Variants in TBC1D1 observed in about 807,000 individuals in gnomAD.
TBC1D1 encodes the protein TBC1 (tre-2/USP6, BUB2, cdc16) domain family, member 1.
In TBC1D1, 89 loss-of-function variants were observed where a neutral mutation model predicts 125.6. The ratio of observed to expected loss-of-function variants is 0.71; its 90% CI spans 0.60 to 0.85. The LOEUF (loss-of-function observed/expected upper bound fraction) is 0.85, where lower values mean the gene tolerates loss of function less well. TBC1D1 is among the 40% of genes least tolerant of loss of function. The pLI is 0.00. For synonymous variants in TBC1D1, 565 were observed against 564.1 expected, an observed-to-expected ratio of 1.00 and a Z score of -0.02; for missense variants, 1,377 against 1,469.2, an observed-to-expected ratio of 0.94 and a Z score of 1.03.
chr4:38,021,811 T>C, intron 6 of TBC1D1, 93 bp downstream of exon 6: 6 of 1,319,540 alleles, frequency 4.5e-6, no homozygotes, highest in Non-Finnish European at 5.9e-6. Context: ...AGATTCTGCC[T>C]AACAGAGGCT....
At position 38,014,625 on chromosome 4, in the gene TBC1D1, C is replaced by CG. The variant is rs1560619588; in HGVS notation, c.536dup (p.Arg180ProfsTer68). 1.2e-6 allele frequency: 2 copies of CG among 1,613,402 alleles called. No homozygotes were observed. The highest frequency in any genetic ancestry group is 1.7e-6 in the Non-Finnish European group (2 of 1,180,038). On this transcript the variant is annotated frameshift_variant, in exon 3 of 20. Transcript: ENST00000261439. LOFTEE classifies it high-confidence loss of function. The surrounding 1 kb of genome is among the most constrained non-coding windows in gnomAD (Gnocchi z 5.1). ...CCAAGAAGTTCGAGGTGCTCTTCTG[C>CG]GGCCGCGTGACGGTGGCGCACAAGA...
intron 2 of TBC1D1, among the ~76,000 whole-genome samples, chr4:38,001,199 A>G (rs568143951): frequency 4.0e-5 from 6 of 150,904 alleles, no homozygotes; most frequent in African/African-American, 1.5e-4. Flanking sequence ...CAGCCTGAGC[A>G]ACAGAGTAAG....
intron 19 of TBC1D1, 119 bp from the exon 22 acceptor site, chr4:38,137,016 A>G (rs1766742829): frequency 1.3e-6 from 2 of 1,508,270 alleles, no homozygotes; most frequent in Non-Finnish European, 9.1e-7. Flanking sequence ...TAAACTGTAG[A>G]CTCATCCCTG....
chr4:37,895,635 C>T (rs747307338), intron 1 of TBC1D1, among the ~76,000 whole-genome samples: 10 of 152,064 alleles, frequency 6.6e-5, no homozygotes, highest in Non-Finnish European at 1.0e-4. Flanking sequence ...ACCCAGGGGG[C>T]GGAGGATGCA....
intron 2 of TBC1D1, among the ~76,000 whole-genome samples, chr4:38,012,310 G>A (rs959686757): frequency 6.6e-6 from 1 of 152,108 alleles, no homozygotes; most frequent in Non-Finnish European, 1.5e-5. Flanking sequence ...TTTGAGACAA[G>A]GTCTCAGTCA....
chr4:37,909,847 C>T (rs1438438626), intron 2 of TBC1D1, among the ~76,000 whole-genome samples: 1 of 152,148 alleles, frequency 6.6e-6, no homozygotes, highest in Admixed American at 6.5e-5. Context: ...GCAGCTATGA[C>T]TCAGTGCAGT....
At chr4:38,008,123 A>C (rs533431440) in intron 2 of TBC1D1, among the ~76,000 whole-genome samples, 1 of 152,338 alleles carries the variant, frequency 6.6e-6, no homozygotes, top group South Asian at 2.1e-4. Context: ...GACTTTGAGG[A>C]CTTATATTCT....
intron 2 of TBC1D1, among the ~76,000 whole-genome samples, chr4:38,001,223 A>AAAAGAAAGAAAGAAAG (rs34403727): frequency 1.9e-4 from 29 of 149,956 alleles, no homozygotes; most frequent in African/African-American, 6.7e-4. Context: ...CCGTCTCAAA[A>AAAAGAAAGAAAGAAAG]AAAGAAAGAA....
chr4:38,091,242 C>A (rs1340230831), intron 13 of TBC1D1, among the ~76,000 whole-genome samples: 1 of 152,138 alleles, frequency 6.6e-6, no homozygotes, highest in Non-Finnish European at 1.5e-5. Context: ...ATGAAAGTAA[C>A]CCCACAGTTG....
intron 12 of TBC1D1, among the ~76,000 whole-genome samples, chr4:38,082,456 T>G (rs1188142364): frequency 1.3e-5 from 2 of 152,230 alleles, no homozygotes; most frequent in Non-Finnish European, 2.9e-5. Context: ...CACTTAAGAT[T>G]CTGGCTGAGG....
chr4:38,068,480 C>T (rs889757586), intron 12 of TBC1D1, among the ~76,000 whole-genome samples: 2 of 152,126 alleles, frequency 1.3e-5, no homozygotes, highest in Non-Finnish European at 2.9e-5. Context: ...TGGATGTCAC[C>T]ATTTCTTCTC....
At position 37,972,481 on chromosome 4, in the gene TBC1D1, CAAAAAAAAAA is replaced by C. The variant is rs74577993; in HGVS notation, c.418-42018_418-42009del. On this transcript the variant is annotated intron_variant, in intron 2 of 19. Transcript: ENST00000261439. Reference sequence around the variant, plus strand: ...GGGCAACAAAAGGGAAACGCCGTTTCAAAAAAAAAAAAAAAAAAAGATTACTGATGCCCAG... The same window carrying C: ...GGGCAACAAAAGGGAAACGCCGTTTCAAAAAAAAAGATTACTGATGCCCAG... 9.4e-4 allele frequency among the ~76,000 whole-genome samples: 92 copies of C among 98,062 alleles called. 1 individual carries two copies. The highest frequency in any genetic ancestry group is 1.7e-3 in the Admixed American group (16 of 9,556). The allele number at this position is 98,062 out of a possible 152,430, so 64.3% of individuals were successfully genotyped here. A position where few individuals can be genotyped will look rare whatever the true frequency, so the allele number is the denominator to read the frequency against.
intron 2 of TBC1D1, among the ~76,000 whole-genome samples, chr4:37,985,282 T>G (rs1164354901): frequency 2.0e-5 from 3 of 152,212 alleles, no homozygotes; most frequent in South Asian, 2.1e-4. Flanking sequence ...AATCTAATCT[T>G]AAGTATCTGG....
Position 37,902,092 on chromosome 4 carries a change from C to T in TBC1D1, c.-4C>T, listed in dbSNP as rs770191641. ...TTTTGCTGAGTTCCCAGACCCTTCC[C>T]AAGATGGAACCAATAACATTCACAG... is the stretch of plus-strand genomic sequence containing the variant. On this transcript the variant is annotated 5_prime_UTR_variant, in exon 2 of 20. Transcript: ENST00000261439. The T allele has an allele frequency of 2.5e-6, 4 of 1,589,972 alleles. No individual in the cohort carries two copies. In the Admixed American group the frequency reaches 5.4e-5, roughly 22 times the overall value.
chr4:38,023,781 C>T (rs749621721), intron 6 of TBC1D1, among the ~76,000 whole-genome samples: 3 of 152,168 alleles, frequency 2.0e-5, no homozygotes, highest in Non-Finnish European at 2.9e-5. Flanking sequence ...TGAATGCTGA[C>T]GTGCAAATAT....
chr4:37,920,219 A>G (rs982095032), intron 2 of TBC1D1, among the ~76,000 whole-genome samples: 1 of 152,220 alleles, frequency 6.6e-6, no homozygotes, highest in African/African-American at 2.4e-5. Context: ...TGAAGCACTT[A>G]GAGTCCGGTG....
chr4:37,892,701 C>T (rs1006873199), intron 1 of TBC1D1, among the ~76,000 whole-genome samples: 2 of 152,172 alleles, frequency 1.3e-5, no homozygotes, highest in Non-Finnish European at 2.9e-5. Flanking sequence ...TTATCTACCC[C>T]ACTGAGAGTG....
At chr4:38,070,349 A>G (rs1021990223) in intron 12 of TBC1D1, among the ~76,000 whole-genome samples, 2 of 152,272 alleles carry the variant, frequency 1.3e-5, no homozygotes, top group East Asian at 3.8e-4. Flanking sequence ...GGCTGACTAC[A>G]CAACCAAAGA....
Position 38,041,971 on chromosome 4 carries a change from C to G in TBC1D1, c.1414-2391C>G, listed in dbSNP as rs1021035201. ...GGTGGATCATTTAAGGCCAGGAGTT[C>G]GAGAACAGCCTGGTCAACATGGCGA... On this transcript the variant is annotated intron_variant, in intron 8 of 19. Coordinates refer to ENST00000261439, the MANE Select transcript of TBC1D1 (RefSeq NM_015173.4). Among the ~76,000 whole-genome samples the G allele has an allele frequency of 1.2e-4, 19 of 152,058 alleles. No homozygotes were observed. The East Asian group carries it at 3.3e-3, about 26-fold the overall frequency.
Sources: gnomAD v4.1 joint callset for allele counts (sites outside exome capture counted in the v4.1 genomes callset) on GRCh38, gnomAD v4.1.1 for gene constraint, Gnocchi (gnomAD v3.1) non-coding constraint, MANE v1.5 for transcripts, NCBI Gene and HGNC (gene_info 2026-07-23, HGNC 2026-07-21) for gene names.